CRYBG3: variants seen among roughly 807,000 people sequenced by gnomAD.
CRYBG3 encodes very large A-kinase anchor protein.
A neutral mutation model predicts 244.2 loss-of-function variants in CRYBG3; 127 were observed. That is an observed-to-expected ratio of 0.52 (90% CI 0.45 to 0.60). The LOEUF (loss-of-function observed/expected upper bound fraction) is 0.60, where lower values mean the gene tolerates loss of function less well. CRYBG3 is among the 20% of genes least tolerant of loss of function. The pLI, the probability that CRYBG3 is intolerant of heterozygous loss-of-function variation, is 0.00. For synonymous variants in CRYBG3, 1,132 were observed against 1,195.8 expected (o/e 0.95, Z 1.10); for missense variants, 3,325 against 3,442.5 (o/e 0.97, Z 0.85).
chr3:97,856,610 G>A lies in CRYBG3; in HGVS notation c.217-7607G>A, dbSNP rs567971601. Among the ~76,000 whole-genome samples, 7 of 152,244 alleles carry A rather than the reference G, an allele frequency of 4.6e-5. No homozygotes were observed. The South Asian group carries it at 1.4e-3, about 32-fold the overall frequency. On this transcript the variant is annotated intron_variant, in intron 2 of 21. Coordinates refer to ENST00000389622, the MANE Select transcript of CRYBG3 (RefSeq NM_153605.4). ...TTCACAATCCACGTTCTTCTGCCAT[G>A]GCTTCAGCCGGTCCCTCCGTTTGGG...
chr3:97,826,291 AATGGACTCAATTGT>A (rs1369359864), intron 1 of CRYBG3, among the ~76,000 whole-genome samples: 1 of 152,208 alleles, frequency 6.6e-6, no homozygotes, highest in Non-Finnish European at 1.5e-5. Flanking sequence ...ATTCCTTGGA[AATGGACTCAATTGT>A]ATGCTCTGAA....
intron 1 of CRYBG3, among the ~76,000 whole-genome samples, chr3:97,828,528 T>TA (rs59399988): frequency 0.065 from 8,369 of 127,848 alleles, 437 homozygotes; most frequent in African/African-American, 0.16. Flanking sequence ...TACATTAAGT[T>TA]AAAAAAAAAA....
chr3:97,920,837 A>G (rs1381088805), intron 17 of CRYBG3, among the ~76,000 whole-genome samples: 5 of 152,060 alleles, frequency 3.3e-5, no homozygotes, highest in Admixed American at 1.3e-4. Context: ...GCCCCATGAT[A>G]TGTCTTAAGC....
chr3:97,901,147 C>G (rs2039702758), intron 15 of CRYBG3, among the ~76,000 whole-genome samples: 1 of 152,128 alleles, frequency 6.6e-6, no homozygotes, highest in Non-Finnish European at 1.5e-5. Context: ...AGAGACATTT[C>G]TAGTATGGAC....
intron 17 of CRYBG3, among the ~76,000 whole-genome samples, chr3:97,919,175 G>A (rs894347702): frequency 9.2e-5 from 14 of 152,090 alleles, no homozygotes; most frequent in African/African-American, 3.1e-4. Flanking sequence ...TTAATTTTTA[G>A]TGACAGTCTG....
intron 7 of CRYBG3, among the ~76,000 whole-genome samples, chr3:97,885,946 A>T (rs2039502537): frequency 6.6e-6 from 1 of 152,188 alleles, no homozygotes; most frequent in African/African-American, 2.4e-5. Context: ...AAGGGCTGTG[A>T]CAGTGGAAAT....
chr3:97,871,479 T>C (rs1053825413), intron 3 of CRYBG3, among the ~76,000 whole-genome samples: 4 of 152,140 alleles, frequency 2.6e-5, no homozygotes, highest in Non-Finnish European at 4.4e-5. Context: ...CTCGTAGTAA[T>C]ATGAGGCCCA....
chr3:97,897,042 A>G (rs927268080), intron 12 of CRYBG3, among the ~76,000 whole-genome samples: 1 of 151,972 alleles, frequency 6.6e-6, no homozygotes, highest in African/African-American at 2.4e-5. Context: ...GGGACTAGGG[A>G]ATTTTTATTC....
chr3:97,826,661 T>C (rs1420525868), intron 1 of CRYBG3, among the ~76,000 whole-genome samples: 1 of 152,240 alleles, frequency 6.6e-6, no homozygotes, highest in African/African-American at 2.4e-5. Context: ...GAAGTAAAAG[T>C]TAAGGAGGTA....
intron 1 of CRYBG3, among the ~76,000 whole-genome samples, chr3:97,828,750 C>A (rs1335447294): frequency 6.6e-6 from 1 of 150,422 alleles, no homozygotes; most frequent in Non-Finnish European, 1.5e-5. Context: ...ATCTCTTGAA[C>A]CTGGGAGGCA....
intron 17 of CRYBG3, among the ~76,000 whole-genome samples, chr3:97,918,795 C>T (rs1378469171): frequency 6.6e-6 from 1 of 152,096 alleles, no homozygotes; most frequent in African/African-American, 2.4e-5. Flanking sequence ...GGGAGCACCT[C>T]CAATTGGGGA....
intron 15 of CRYBG3, among the ~76,000 whole-genome samples, chr3:97,901,562 CT>C (rs2039707139): frequency 6.6e-6 from 1 of 152,206 alleles, no homozygotes; most frequent in African/African-American, 2.4e-5. Flanking sequence ...TTTAGAGACA[CT>C]TCCTGCCAGA....
Position 97,822,293 on chromosome 3 carries a change from A to G in CRYBG3, c.87A>G (p.Glu29=), listed in dbSNP as rs1328709757. ...FAPRSPSRDK[E]EEEEERPGTS... is the part of the protein sequence containing the mutation. ...CCCGAAGTCCTTCCCGGGACAAGGAAGAGGAAGAGGAGGAGAGGCCGGGGA... is the reference window on the plus strand; with the variant it reads ...CCCGAAGTCCTTCCCGGGACAAGGAGGAGGAAGAGGAGGAGAGGCCGGGGA... Residue 29 remains glutamate (E), a synonymous_variant, in exon 1 of 22, where the codon GAA becomes GAG. Transcript: ENST00000389622. The G allele has an allele frequency of 6.5e-7, 1 of 1,530,336 alleles. No homozygotes were observed. The highest frequency in any genetic ancestry group is 8.7e-7 in the Non-Finnish European group (1 of 1,144,478). 94.8% of individuals were successfully genotyped at this position (1,530,336 alleles called of 1,614,324 possible).
intron 7 of CRYBG3, among the ~76,000 whole-genome samples, chr3:97,886,002 A>G (rs772171772): frequency 2.4e-4 from 36 of 152,142 alleles, no homozygotes; most frequent in Non-Finnish European, 3.8e-4. Context: ...GGAAGGTCTC[A>G]CAGGACAATG....
At chr3:97,887,992 A>G (rs2039529400) in intron 8 of CRYBG3, among the ~76,000 whole-genome samples, 5 of 152,200 alleles carry the variant, frequency 3.3e-5, no homozygotes, top group African/African-American at 1.2e-4. Context: ...CAGTTTAAAA[A>G]AGAATGGAAT....
At chr3:97,927,372 A>G (rs2040051393) in intron 17 of CRYBG3, among the ~76,000 whole-genome samples, 1 of 152,108 alleles carries the variant, frequency 6.6e-6, no homozygotes, top group South Asian at 2.1e-4. Context: ...CATATGCATA[A>G]TATTGAAACT....
chr3:97,943,827 C>T lies in CRYBG3; in HGVS notation c.*513C>T, dbSNP rs1330840671. 4 of 152,802 alleles carry T rather than the reference C, an allele frequency of 2.6e-5. No individual in the cohort carries two copies. In the Admixed American group the frequency reaches 2.6e-4, roughly 10 times the overall value. 9.5% of individuals were successfully genotyped at this position (152,802 alleles called of 1,614,324 possible). On this transcript the variant is annotated 3_prime_UTR_variant, in exon 22 of 22. Transcript: ENST00000389622. ...CTTTCCTAGATAAACTTTAAGGTTT[C>T]TATACTGAGGCTTTTATAATGAACG...
intron 7 of CRYBG3, among the ~76,000 whole-genome samples, chr3:97,884,630 A>C (rs908623935): frequency 2.0e-5 from 3 of 152,158 alleles, no homozygotes; most frequent in African/African-American, 4.8e-5. Flanking sequence ...GTTACTTTAA[A>C]GTGGCTTGCA....
chr3:97,866,999 C>T (rs1446221744), intron 3 of CRYBG3: 2 of 152,150 alleles, frequency 1.3e-5, no homozygotes, highest in Admixed American at 6.5e-5. Context: ...TTCCTCCTGA[C>T]AACTGTCAAT....
Sources: allele counts gnomAD v4.1 joint callset (sites outside exome capture counted in the v4.1 genomes callset), GRCh38; gene constraint gnomAD v4.1.1; transcripts MANE v1.5; gene names NCBI Gene and HGNC (gene_info 2026-07-23, HGNC 2026-07-21).